FSTL5: variants seen among roughly 807,000 people sequenced by gnomAD.
FSTL5 encodes the protein follistatin like 5.
In FSTL5, 62 loss-of-function variants were observed where a neutral mutation model predicts 89.1. That is an observed-to-expected ratio of 0.70 (90% CI 0.57 to 0.86). The LOEUF is 0.86. FSTL5 is among the 40% of genes least tolerant of loss of function. FSTL5 has a pLI of 0.00. For synonymous variants in FSTL5, 383 were observed against 346.2 expected, an observed-to-expected ratio of 1.11 and a Z score of -1.18; for missense variants, 1,057 against 1,001.6, an observed-to-expected ratio of 1.06 and a Z score of -0.75.
intron 4 of FSTL5, among the ~76,000 whole-genome samples, chr4:161,908,607 T>C (rs1733603697): frequency 1.3e-5 from 2 of 152,082 alleles, no homozygotes; most frequent in African/African-American, 4.8e-5. Flanking sequence ...CCTACAAATA[T>C]CACATTGGCT....
At chr4:161,722,737 C>T (rs1378225031) in intron 6 of FSTL5, among the ~76,000 whole-genome samples, 1 of 152,098 alleles carries the variant, frequency 6.6e-6, no homozygotes, top group African/African-American at 2.4e-5. Context: ...ATATTCTTAG[C>T]CAAACTATTT....
intron 2 of FSTL5, among the ~76,000 whole-genome samples, chr4:162,097,830 AT>A (rs1418985558): frequency 3.3e-5 from 5 of 151,948 alleles, no homozygotes; most frequent in Non-Finnish European, 5.9e-5. Context: ...ACTGTCAAAA[AT>A]GTGGACCACC....
intron 2 of FSTL5, among the ~76,000 whole-genome samples, chr4:162,086,953 A>G (rs1730346457): frequency 6.6e-6 from 1 of 152,080 alleles, no homozygotes; most frequent in Admixed American, 6.6e-5. Flanking sequence ...TGACTATTTG[A>G]GTATTTAAAA....
At chr4:161,516,448 T>G (rs1730833555) in intron 10 of FSTL5, among the ~76,000 whole-genome samples, 1 of 138,160 alleles carries the variant, frequency 7.2e-6, no homozygotes, top group South Asian at 2.3e-4. Flanking sequence ...TTAGTATGTC[T>G]GTGTATATAT....
intron 10 of FSTL5, among the ~76,000 whole-genome samples, chr4:161,515,690 T>A (rs917014053): frequency 3.9e-5 from 6 of 151,992 alleles, no homozygotes; most frequent in African/African-American, 1.4e-4. Context: ...AATTTCTGCC[T>A]TTTAAAAGTA....
At chr4:161,746,303 A>T (rs1396995884) in intron 6 of FSTL5, among the ~76,000 whole-genome samples, 1 of 152,140 alleles carries the variant, frequency 6.6e-6, no homozygotes, top group Non-Finnish European at 1.5e-5. Context: ...TGTTAGCCTT[A>T]TCCATCACCA....
chr4:162,017,243 G>C (rs539822433), intron 3 of FSTL5, among the ~76,000 whole-genome samples: 1 of 152,228 alleles, frequency 6.6e-6, no homozygotes, highest in African/African-American at 2.4e-5. Flanking sequence ...TCATCATGTA[G>C]ATTATCTGCA....
At chr4:161,457,658 T>C (rs763716840) in intron 14 of FSTL5, among the ~76,000 whole-genome samples, 35 of 152,102 alleles carry the variant, frequency 2.3e-4, no homozygotes, top group South Asian at 1.0e-3. Flanking sequence ...AAAAAAGACA[T>C]GAAAAAATTA....
intron 3 of FSTL5, among the ~76,000 whole-genome samples, chr4:162,005,400 G>A (rs1016975881): frequency 6.6e-6 from 1 of 152,106 alleles, no homozygotes; most frequent in South Asian, 2.1e-4. Flanking sequence ...CTACTCTGGT[G>A]TCTTTGGTAG....
At chr4:161,699,055 A>G (rs1049566765) in intron 6 of FSTL5, among the ~76,000 whole-genome samples, 2 of 152,166 alleles carry the variant, frequency 1.3e-5, no homozygotes, top group African/African-American at 4.8e-5. Context: ...TAGAAAAATG[A>G]AAGGGAAACA....
chr4:161,755,386 C>T (rs977260273), intron 6 of FSTL5, among the ~76,000 whole-genome samples: 4 of 152,010 alleles, frequency 2.6e-5, no homozygotes, highest in Non-Finnish European at 4.4e-5. Context: ...TGATAATATG[C>T]TATTTTTTTT....
chr4:162,152,115 C>T (rs989011346), intron 1 of FSTL5, among the ~76,000 whole-genome samples: 6 of 152,078 alleles, frequency 3.9e-5, no homozygotes, highest in African/African-American at 1.4e-4. Context: ...GAATGAAAGC[C>T]CTTCGACTTT....
At chr4:162,038,713 G>A (rs149340046) in intron 2 of FSTL5, among the ~76,000 whole-genome samples, 41 of 151,958 alleles carry the variant, frequency 2.7e-4, no homozygotes, top group African/African-American at 8.9e-4. Context: ...ATGTTATAAC[G>A]TGAAAACGGA....
At chr4:161,998,912 G>A (rs1303343919) in intron 3 of FSTL5, among the ~76,000 whole-genome samples, 1 of 150,390 alleles carries the variant, frequency 6.6e-6, no homozygotes, top group Non-Finnish European at 1.5e-5. Flanking sequence ...TTGGAATTTG[G>A]TATCTTATTT....
At chr4:161,639,308 C>T (rs1735857573) in intron 7 of FSTL5, among the ~76,000 whole-genome samples, 1 of 152,112 alleles carries the variant, frequency 6.6e-6, no homozygotes, top group Non-Finnish European at 1.5e-5. Context: ...TTATTATGTA[C>T]TTGATGGGAT....
chr4:162,080,246 T>C (rs956763576), intron 2 of FSTL5, among the ~76,000 whole-genome samples: 1 of 151,672 alleles, frequency 6.6e-6, no homozygotes, highest in Admixed American at 6.6e-5. Flanking sequence ...CCTATATTTT[T>C]ACAACTTTTA....
At chr4:162,148,747 T>C (rs1273675120) in intron 1 of FSTL5, among the ~76,000 whole-genome samples, 1 of 152,192 alleles carries the variant, frequency 6.6e-6, no homozygotes, top group African/African-American at 2.4e-5. Flanking sequence ...GCACGTGATT[T>C]ATTACTGTAC....
rs1317967727 is a variant in FSTL5, at chr4:161,633,879, A to AT, written c.894+22448_894+22449insA. On this transcript the variant is annotated intron_variant, in intron 7 of 15. Transcript: ENST00000306100. ...AGTTCAAAGTCTTTTTGAGGAGCAG[A>AT]GATGTATGTAATTTGAAAAAGATAT... Among the ~76,000 whole-genome samples the AT allele has an allele frequency of 1.1e-4, 16 of 152,314 alleles. No individual in the cohort carries two copies. In the East Asian group the frequency reaches 2.1e-3, roughly 20 times the overall value.
At chr4:162,130,021 T>C (rs1732235068) in intron 1 of FSTL5, among the ~76,000 whole-genome samples, 1 of 152,138 alleles carries the variant, frequency 6.6e-6, no homozygotes, top group South Asian at 2.1e-4. Flanking sequence ...CTAAAGAGCC[T>C]AGAGGGATAA....
Sources: allele counts gnomAD v4.1 joint callset (sites outside exome capture counted in the v4.1 genomes callset), GRCh38; gene constraint gnomAD v4.1.1; transcripts MANE v1.5; gene names NCBI Gene and HGNC (gene_info 2026-07-23, HGNC 2026-07-21).